Variants in PCDHA10 observed in about 807,000 individuals in gnomAD.
The protein encoded by PCDHA10 is protocadherin alpha-10.
Under a neutral mutation model 61.2 loss-of-function variants are expected in PCDHA10, and 45 were observed. The observed-to-expected ratio is 0.74, with a 90% confidence interval of 0.58 to 0.94. The LOEUF (loss-of-function observed/expected upper bound fraction) is 0.94, where lower values mean the gene tolerates loss of function less well. Among genes scored for constraint, PCDHA10 ranks in the 40% least tolerant of loss-of-function variants. PCDHA10 has a pLI of 0.00. For synonymous variants in PCDHA10, 602 were observed against 548.8 expected (o/e 1.10, Z -1.35); for missense variants, 1,278 against 1,236.2 (o/e 1.03, Z -0.51).
intron 3 of PCDHA10, among the ~76,000 whole-genome samples, chr5:141,007,768 A>C (rs1457934171): frequency 2.0e-5 from 3 of 152,212 alleles, no homozygotes; most frequent in Non-Finnish European, 2.9e-5. Context: ...ATTGGCCTGG[A>C]AATGGTACTG....
chr5:140,929,511 G>T, intron 1 of PCDHA10: 1 of 781,088 alleles, frequency 1.3e-6, no homozygotes, highest in Non-Finnish European at 1.8e-6. Flanking sequence ...AGGCCTCAAG[G>T]GACTTATAGT....
intron 1 of PCDHA10, chr5:140,866,274 A>G (rs1554160163): frequency 6.6e-6 from 1 of 152,156 alleles, no homozygotes; most frequent in African/African-American, 2.4e-5. Flanking sequence ...GTGAATAAAG[A>G]CAGTGTTTGG....
intron 1 of PCDHA10, chr5:140,926,696 C>A: frequency 1.3e-6 from 1 of 771,792 alleles, no homozygotes; most frequent in Non-Finnish European, 1.9e-6. Context: ...GCAAGCCCGG[C>A]TCCCAGCTGG....
intron 1 of PCDHA10, among the ~76,000 whole-genome samples, chr5:140,875,000 C>A (rs2055209641): frequency 3.3e-5 from 5 of 152,130 alleles, no homozygotes; most frequent in Admixed American, 3.3e-4. Flanking sequence ...TATCATTTTC[C>A]ATGATAAAGT....
intron 1 of PCDHA10, among the ~76,000 whole-genome samples, chr5:140,977,466 T>A (rs1554238584): frequency 2.0e-5 from 3 of 152,246 alleles, no homozygotes; most frequent in African/African-American, 4.8e-5. Context: ...ATTTGGTCTG[T>A]AGATAATTTT....
Position 141,010,819 on chromosome 5 carries a change from TG to T in PCDHA10, c.*883del, listed in dbSNP as rs2098418471. ...AAAACCCCGACACCTCACCTTTCGCTGTTTGTTGTTTCATAGATTTATTTAA... is the reference window on the plus strand; with the variant it reads ...AAAACCCCGACACCTCACCTTTCGCTTTTGTTGTTTCATAGATTTATTTAA... On this transcript the variant is annotated 3_prime_UTR_variant, in exon 4 of 4. Coordinates refer to ENST00000307360, the MANE Select transcript of PCDHA10 (RefSeq NM_018901.4). The T allele has an allele frequency of 6.5e-6, 1 of 153,784 alleles. No individual in the cohort carries two copies. The highest frequency in any genetic ancestry group is 2.1e-4 in the South Asian group (1 of 4,838). 9.5% of individuals were successfully genotyped at this position (153,784 alleles called of 1,614,324 possible).
At chr5:140,860,563 A>G (rs1332482786) in intron 1 of PCDHA10, 4 of 152,330 alleles carry the variant, frequency 2.6e-5, no homozygotes, top group Admixed American at 1.3e-4. Flanking sequence ...AGAGGTACTG[A>G]TCATACACAA....
At chr5:140,966,724 CGCCTCCGGCCCTGCCCGGCT>C (rs1563354102) in intron 1 of PCDHA10, 1 of 1,396,284 alleles carries the variant, frequency 7.2e-7, no homozygotes, top group Admixed American at 3.3e-5. Flanking sequence ...GGGAAGCTGC[CGCCTCCGGCCCTGCCCGGCT>C]GCCTCCGCCG....
chr5:140,942,591 T>C (rs1180688838), intron 1 of PCDHA10, among the ~76,000 whole-genome samples: 1 of 147,516 alleles, frequency 6.8e-6, no homozygotes, highest in East Asian at 2.0e-4. Context: ...ATGTCACATA[T>C]AATTATAGTG....
At chr5:140,968,808 T>C in intron 1 of PCDHA10, 1 of 1,614,204 alleles carries the variant, frequency 6.2e-7, no homozygotes, top group South Asian at 1.1e-5. Context: ...GTAGCTGTGG[T>C]GGATAGGGTT....
intron 1 of PCDHA10, among the ~76,000 whole-genome samples, chr5:140,916,967 G>A (rs1215722713): frequency 2.6e-5 from 4 of 152,194 alleles, no homozygotes; most frequent in African/African-American, 9.7e-5. Context: ...TGACTGCTGG[G>A]ATGAGTGATT....
At chr5:140,883,476 A>G (rs782692069) in intron 1 of PCDHA10, 7 of 1,614,082 alleles carry the variant, frequency 4.3e-6, no homozygotes, top group Admixed American at 3.3e-5. Flanking sequence ...ACCTACAAGA[A>G]CTACTACTCA....
At chr5:140,912,061 C>T (rs1321149990) in intron 1 of PCDHA10, among the ~76,000 whole-genome samples, 2 of 152,162 alleles carry the variant, frequency 1.3e-5, no homozygotes, top group Non-Finnish European at 2.9e-5. Context: ...AACTTGGAGT[C>T]CAATGTTCAA....
chr5:140,937,442 A>AAAATATCATTTTAAAATATCATTAT (rs2091531773), intron 1 of PCDHA10, among the ~76,000 whole-genome samples: 1 of 152,160 alleles, frequency 6.6e-6, no homozygotes, highest in Non-Finnish European at 1.5e-5. Context: ...ATGCTATTTT[A>AAAATATCATTTTAAAATATCATTAT]AAAGTTTAAT....
intron 3 of PCDHA10, among the ~76,000 whole-genome samples, chr5:140,991,325 G>C (rs899183687): frequency 3.3e-5 from 5 of 152,184 alleles, no homozygotes; most frequent in Non-Finnish European, 5.9e-5. Flanking sequence ...GATACATGAA[G>C]GGAATAGCTT....
chr5:141,005,666 C>T (rs1304126376), intron 3 of PCDHA10, among the ~76,000 whole-genome samples: 2 of 130,134 alleles, frequency 1.5e-5, no homozygotes, highest in Non-Finnish European at 3.1e-5. Context: ...CGCGCCACTG[C>T]ACTCCAGCCT....
chr5:140,877,068 G>C (rs1050946101), intron 1 of PCDHA10: 4 of 1,613,122 alleles, frequency 2.5e-6, no homozygotes, highest in Non-Finnish European at 3.4e-6. Context: ...AGCTGCTGCA[G>C]TTCCAGGTGA....
At chr5:140,884,622 G>A (rs781857198) in intron 1 of PCDHA10, 1 of 1,613,948 alleles carries the variant, frequency 6.2e-7, no homozygotes, top group Non-Finnish European at 8.5e-7. Context: ...TCTGCAGAGG[G>A]AACAGGCCAG....
At chr5:140,876,437 C>T (rs1554168557) in intron 1 of PCDHA10, 1 of 1,613,906 alleles carries the variant, frequency 6.2e-7, no homozygotes, top group Non-Finnish European at 8.5e-7. Context: ...CAGGTTAACG[C>T]CATTGATAAA....
Sources: gnomAD v4.1 joint callset for allele counts (sites outside exome capture counted in the v4.1 genomes callset) on GRCh38, gnomAD v4.1.1 for gene constraint, MANE v1.5 for transcripts, NCBI Gene and HGNC (gene_info 2026-07-23, HGNC 2026-07-21) for gene names.